Variants in ADAM28 observed in about 807,000 individuals in gnomAD.
ADAM28 encodes the protein disintegrin and metalloproteinase domain-containing protein 28.
Under a neutral mutation model 101.2 loss-of-function variants are expected in ADAM28, and 105 were observed. That is an observed-to-expected ratio of 1.04 (90% confidence interval 0.89 to 1.22). ADAM28 has a LOEUF of 1.22. ADAM28 is among the 50% of genes most tolerant of loss of function. The pLI is 0.00. For synonymous variants in ADAM28, 322 were observed against 310.6 expected, an observed-to-expected ratio of 1.04 and a Z score of -0.39; for missense variants, 1,028 against 945.4, an observed-to-expected ratio of 1.09 and a Z score of -1.15.
At chr8:24,314,349 A>G (rs1023922607) in intron 6 of ADAM28, among the ~76,000 whole-genome samples, 1 of 152,186 alleles carries the variant, frequency 6.6e-6, no homozygotes, top group Admixed American at 6.5e-5. Flanking sequence ...GAATCTGGCT[A>G]CAGGAACTTA....
chr8:24,304,869 C>A (rs1164299325), intron 2 of ADAM28, among the ~76,000 whole-genome samples: 2 of 149,908 alleles, frequency 1.3e-5, no homozygotes, highest in African/African-American at 4.9e-5. Flanking sequence ...GAGCTGAGAT[C>A]ACGTCATTTG....
At chr8:24,340,017 G>T (rs1017866002) in intron 15 of ADAM28, among the ~76,000 whole-genome samples, 3 of 152,104 alleles carry the variant, frequency 2.0e-5, no homozygotes, top group African/African-American at 7.2e-5. Context: ...ACTTTCAGTA[G>T]AATTACATAA....
At chr8:24,302,773 T>G (rs1323239888) in intron 2 of ADAM28, among the ~76,000 whole-genome samples, 1 of 152,206 alleles carries the variant, frequency 6.6e-6, no homozygotes, top group African/African-American at 2.4e-5. Context: ...TTGTCCACTT[T>G]TTTTTAAAAA....
At chr8:24,332,966 G>GA (rs950626342) in intron 13 of ADAM28, among the ~76,000 whole-genome samples, 1 of 151,828 alleles carries the variant, frequency 6.6e-6, no homozygotes, top group African/African-American at 2.4e-5. Flanking sequence ...TTGTTTTTGA[G>GA]AAAAAAATGC....
chr8:24,300,192 G>A (rs1404658273), intron 2 of ADAM28, 115 bp downstream of exon 2: 35 of 697,580 alleles, frequency 5.0e-5, no homozygotes, highest in Non-Finnish European at 6.4e-5. Context: ...GTTTATATAT[G>A]TGTGTGTGTG....
At position 24,354,353 on chromosome 8, in the gene ADAM28, G is replaced by T. The variant is rs757198057; in HGVS notation, c.2308-31G>T. On this transcript the variant is annotated intron_variant, in intron 22 of 22. Coordinates refer to ENST00000265769, the MANE Select transcript of ADAM28 (RefSeq NM_014265.6). ...GTAAATATCTAAATTTTTGAAGAAA[G>T]TTGATCATTTAGAAGTTATGTCTTT... 47 of 1,501,392 alleles carry T rather than the reference G, an allele frequency of 3.1e-5. No individual in the cohort carries two copies. The South Asian group carries it at 4.0e-4, about 13-fold the overall frequency. 93.0% of individuals were successfully genotyped at this position (1,501,392 alleles called of 1,614,324 possible).
chr8:24,309,097 C>T (rs986058023), intron 2 of ADAM28, among the ~76,000 whole-genome samples: 1 of 152,186 alleles, frequency 6.6e-6, no homozygotes, highest in Non-Finnish European at 1.5e-5. Flanking sequence ...CTTAGTACCC[C>T]AAAACATCTT....
At position 24,357,713 on chromosome 8, in the gene ADAM28, G is replaced by T. The variant is rs2129350436; in HGVS notation, c.*3309G>T. The T allele has an allele frequency of 1.3e-5, 2 of 152,180 alleles. No homozygotes were observed. Among genetic ancestry groups the T allele is most frequent in the East Asian group, 3.9e-4 (2 of 5,182 alleles). 9.4% of individuals were successfully genotyped at this position (152,180 alleles called of 1,614,324 possible). A position where few individuals can be genotyped will look rare whatever the true frequency, so the allele number is the denominator to read the frequency against. ...ATAATGTTTTAAATGCTCCAGATAG[G>T]TTTAGGTAAAATTAACTATATTTAA... On this transcript the variant is annotated 3_prime_UTR_variant, in exon 23 of 23. Transcript: ENST00000265769.
chr8:24,312,216 A>C (rs189308241), intron 5 of ADAM28, among the ~76,000 whole-genome samples: 7 of 152,228 alleles, frequency 4.6e-5, no homozygotes, highest in Admixed American at 3.3e-4. Context: ...TCATATTTTC[A>C]GTTGGATATC....
intron 2 of ADAM28, among the ~76,000 whole-genome samples, chr8:24,305,117 T>A (rs115840705): frequency 0.014 from 2,075 of 152,204 alleles, 43 homozygotes; most frequent in African/African-American, 0.048. Context: ...CTATGTTTTT[T>A]TTAATGGATT....
At chr8:24,316,638 A>G (rs533813043) in intron 6 of ADAM28, among the ~76,000 whole-genome samples, 2 of 152,204 alleles carry the variant, frequency 1.3e-5, no homozygotes, top group South Asian at 2.1e-4. Context: ...ATCATAATCA[A>G]TCGGAAAGCA....
chr8:24,352,082 C>A lies in ADAM28; in HGVS notation c.2244+30C>A, dbSNP rs759729899. ...GTTAGCAACTTCTCTTAAATACCACCCTAGTTCAATCTCCAGGAAATATCG... is the reference window on the plus strand; with the variant it reads ...GTTAGCAACTTCTCTTAAATACCACACTAGTTCAATCTCCAGGAAATATCG... On this transcript the variant is annotated intron_variant, in intron 21 of 22. Transcript: ENST00000265769. 35 of 1,594,376 alleles carry A rather than the reference C, an allele frequency of 2.2e-5. No homozygotes were observed. The Middle Eastern group carries it at 8.3e-4, about 38-fold the overall frequency.
At chr8:24,334,618 C>G (rs1416846911) in intron 13 of ADAM28, among the ~76,000 whole-genome samples, 3 of 152,186 alleles carry the variant, frequency 2.0e-5, no homozygotes, top group Non-Finnish European at 2.9e-5. Context: ...AAGGAATTCT[C>G]TGACTGGAGC....
In ADAM28 at chr8:24,326,112, AATCCCTAAACCTACTG is replaced by A. The variant is rs1169986974; in HGVS notation, c.891-441_891-426del. Among the ~76,000 whole-genome samples the A allele has an allele frequency of 1.1e-4, 16 of 151,968 alleles. No homozygotes were observed. The East Asian group carries it at 1.2e-3, about 11-fold the overall frequency. ...ATACAAATGCTTTCAAAATGGGCCC[AATCCCTAAACCTACTG>A]TAGCTAAAACAATGCTAATGTAAAA... On this transcript the variant is annotated intron_variant, in intron 9 of 22. Transcript: ENST00000265769.
At chr8:24,295,479 C>G (rs936593657) in intron 1 of ADAM28, among the ~76,000 whole-genome samples, 1 of 151,958 alleles carries the variant, frequency 6.6e-6, no homozygotes, top group African/African-American at 2.4e-5. Flanking sequence ...GTTTTTTTCT[C>G]TCCGTTCTCC....
chr8:24,318,444 C>T (rs962334378), intron 6 of ADAM28, among the ~76,000 whole-genome samples: 19 of 151,904 alleles, frequency 1.3e-4, no homozygotes, highest in Admixed American at 1.1e-3. Flanking sequence ...CTTACCCTGC[C>T]CTGTGCCTTA....
intron 10 of ADAM28, among the ~76,000 whole-genome samples, chr8:24,327,877 A>G (rs1301728204): frequency 6.6e-6 from 1 of 152,138 alleles, no homozygotes; most frequent in East Asian, 1.9e-4. Context: ...CTATTGTGCT[A>G]TTATTATCAT....
chr8:24,339,468 A>G lies in ADAM28; in HGVS notation c.1570A>G (p.Thr524Ala). Residue 524 changes from threonine (T) to alanine (A), a missense_variant and splice_region_variant, in exon 15 of 23, where the codon ACT (threonine) becomes GCT (alanine). Physicochemically the swap from Thr to Ala is moderately conservative, Grantham distance 58 (BLOSUM62 0). Coordinates refer to ENST00000265769, the MANE Select transcript of ADAM28 (RefSeq NM_014265.6). Reference protein sequence around the residue: ...EQCTELWGPGTEVADKSCYNR... With the variant: ...EQCTELWGPGAEVADKSCYNR... ...CTGCTGACTGATCCTGGTCCCAGGAACTGAGGTTGCAGATAAGTCATGTTA... is the reference window on the plus strand; with the variant it reads ...CTGCTGACTGATCCTGGTCCCAGGAGCTGAGGTTGCAGATAAGTCATGTTA... 1 of 1,612,212 alleles carries G rather than the reference A, an allele frequency of 6.2e-7. No homozygotes were observed. The highest frequency in any genetic ancestry group is 8.5e-7 in the Non-Finnish European group (1 of 1,178,894).
At chr8:24,322,361 C>T (rs1811993142) in intron 8 of ADAM28, among the ~76,000 whole-genome samples, 1 of 151,948 alleles carries the variant, frequency 6.6e-6, no homozygotes. Context: ...TGTGGACGTT[C>T]TCTTCAGATT....
Sources: gnomAD v4.1 joint callset for allele counts (sites outside exome capture counted in the v4.1 genomes callset) on GRCh38, gnomAD v4.1.1 for gene constraint, MANE v1.5 for transcripts, NCBI Gene and HGNC (gene_info 2026-07-23, HGNC 2026-07-21) for gene names.